The following PIK3R3 variants were observed in gnomAD, a reference collection of about 807,000 sequenced individuals.
The protein encoded by PIK3R3 is phosphatidylinositol 3-kinase regulatory subunit gamma.
In PIK3R3, 64 loss-of-function variants were observed where a neutral mutation model predicts 62.9. The ratio of observed to expected loss-of-function variants is 1.02; its 90% CI spans 0.83 to 1.25. The LOEUF is 1.25. Among genes scored for constraint, PIK3R3 ranks in the 50% most tolerant of loss-of-function variants. PIK3R3 has a pLI of 0.00. For synonymous variants in PIK3R3, 165 were observed against 189.0 expected (o/e 0.87, Z 1.04); for missense variants, 614 against 561.6 (o/e 1.09, Z -0.94).
At chr1:46,098,023 A>T (rs1022606366) in intron 1 of PIK3R3, among the ~76,000 whole-genome samples, 2 of 152,154 alleles carry the variant, frequency 1.3e-5, no homozygotes, top group Admixed American at 6.5e-5. Flanking sequence ...AAAACTACTA[A>T]AGCTAATAAA....
intron 1 of PIK3R3, among the ~76,000 whole-genome samples, chr1:46,081,606 C>T (rs956591481): frequency 2.0e-5 from 3 of 152,144 alleles, no homozygotes; most frequent in Admixed American, 2.0e-4. Context: ...CCTAACCCCA[C>T]CCCAGCAATG....
At chr1:46,158,227 C>G in the PIK3R3 span, among the ~76,000 whole-genome samples, 1,399 of 152,324 alleles carry the variant, frequency 9.2e-3, 18 homozygotes, top group African/African-American at 0.032. Flanking sequence ...CTAAAAGTGT[C>G]CAATGGCTCT....
At chr1:46,102,818 A>T (rs1388565342) in intron 1 of PIK3R3, among the ~76,000 whole-genome samples, 1 of 150,324 alleles carries the variant, frequency 6.7e-6, no homozygotes, top group Non-Finnish European at 1.5e-5. Context: ...AAAAAAAAAA[A>T]AAAAAAAAAA....
At position 46,062,046 on chromosome 1, in the gene PIK3R3, A is replaced by G. The variant is rs1475227900; in HGVS notation, c.647T>C (p.Ile216Thr). The change falls in exon 6 of 10, where the codon ATA becomes ACA. Residue 216 changes from isoleucine (I) to threonine (T), a missense_variant. Coordinates refer to ENST00000262741, the MANE Select transcript of PIK3R3 (RefSeq NM_003629.4). ...TTTAATTGTTTCATTAAAAGCTTCTATTGCAGTCCTCTTCATCTGTATTTC... is the reference window on the plus strand; with the variant it reads ...TTTAATTGTTTCATTAAAAGCTTCTGTTGCAGTCCTCTTCATCTGTATTTC... Reference protein sequence around the residue: ...SQEIQMKRTAIEAFNETIKIF... With the variant: ...SQEIQMKRTATEAFNETIKIF... 1.2e-6 allele frequency: 2 copies of G among 1,611,442 alleles called. No homozygotes were observed. Among genetic ancestry groups the G allele is most frequent in the Non-Finnish European group, 8.5e-7 (1 of 1,178,566 alleles).
intron 1 of PIK3R3, among the ~76,000 whole-genome samples, chr1:46,096,840 T>TA (rs201258613): frequency 0.11 from 13,448 of 126,810 alleles, 774 homozygotes; most frequent in East Asian, 0.19. Context: ...GACTCTGTCT[T>TA]AAAAAAAAAA....
chr1:46,136,518 C>T (rs1655940000), upstream of PIK3R3, among the ~76,000 whole-genome samples: 2 of 152,122 alleles, frequency 1.3e-5, no homozygotes, highest in Admixed American at 1.3e-4. Flanking sequence ...CCTCATCTTT[C>T]TTAGCACTTG....
Position 46,131,884 on chromosome 1 carries a change from C to A in PIK3R3, c.69G>T (p.Ser23=). Residue 23 remains serine (S), a synonymous_variant, in exon 1 of 10, where the codon TCG becomes TCT. Coordinates refer to ENST00000262741, the MANE Select transcript of PIK3R3 (RefSeq NM_003629.4). Reference sequence around the variant, plus strand: ...TTTCAATATAAAATATCAGTTCTGTCGAATAGGGCATCATCACCTCCCTCC... The same window carrying A: ...TTTCAATATAAAATATCAGTTCTGTAGAATAGGGCATCATCACCTCCCTCC... ...ADWREVMMPY[S]TELIFYIEMD... The A allele has an allele frequency of 6.2e-7, 1 of 1,613,152 alleles. No individual in the cohort carries two copies. The highest frequency in any genetic ancestry group is 2.2e-5 in the East Asian group (1 of 44,860).
chr1:46,083,337 T>G (rs1309180476), intron 1 of PIK3R3, among the ~76,000 whole-genome samples: 1 of 152,112 alleles, frequency 6.6e-6, no homozygotes, highest in Non-Finnish European at 1.5e-5. Flanking sequence ...TGACTTTAGA[T>G]TAGGTAATGG....
intron 1 of PIK3R3, among the ~76,000 whole-genome samples, chr1:46,116,176 G>A (rs561732695): frequency 3.3e-5 from 5 of 152,012 alleles, no homozygotes; most frequent in Admixed American, 6.6e-5. Flanking sequence ...TGAATGGGAC[G>A]CTATGGAGAT....
At chr1:46,076,109 T>C (rs185229778) in intron 3 of PIK3R3, among the ~76,000 whole-genome samples, 1 of 152,340 alleles carries the variant, frequency 6.6e-6, no homozygotes, top group East Asian at 1.9e-4. Flanking sequence ...AATGCTAATC[T>C]GCTCTGGAAA....
At chr1:46,088,734 A>G (rs892826906) in intron 1 of PIK3R3, among the ~76,000 whole-genome samples, 2 of 152,162 alleles carry the variant, frequency 1.3e-5, no homozygotes, top group Non-Finnish European at 2.9e-5. Flanking sequence ...AAAAATTTTC[A>G]GAACTGAAGG....
intron 7 of PIK3R3, among the ~76,000 whole-genome samples, chr1:46,049,597 G>C (rs556623590): frequency 1.3e-5 from 2 of 152,228 alleles, no homozygotes; most frequent in Non-Finnish European, 2.9e-5. Flanking sequence ...TTCTAAAATA[G>C]CCAGATGGCA....
At chr1:46,053,858 C>T (rs1647609753) in intron 7 of PIK3R3, among the ~76,000 whole-genome samples, 1 of 152,136 alleles carries the variant, frequency 6.6e-6, no homozygotes, top group African/African-American at 2.4e-5. Flanking sequence ...TGGTGTATAG[C>T]ATAGCCTTTT....
upstream of PIK3R3, chr1:46,134,581 T>C (rs1203780456): frequency 6.6e-6 from 1 of 152,218 alleles, no homozygotes; most frequent in African/African-American, 2.4e-5. Flanking sequence ...TTCCCAGCAG[T>C]CTCTACTTCA....
intron 1 of PIK3R3, among the ~76,000 whole-genome samples, chr1:46,121,592 C>T (rs369173172): frequency 2.0e-5 from 3 of 151,312 alleles, no homozygotes; most frequent in African/African-American, 4.9e-5. Flanking sequence ...CCCAGGAGTT[C>T]GAGACAAGCT....
chr1:46,118,441 C>T (rs1049045482), intron 1 of PIK3R3, among the ~76,000 whole-genome samples: 3 of 151,926 alleles, frequency 2.0e-5, no homozygotes, highest in Non-Finnish European at 2.9e-5. Flanking sequence ...CATCACTGTT[C>T]AATACACTTT....
chr1:46,114,499 C>T (rs527966413), intron 1 of PIK3R3, among the ~76,000 whole-genome samples: 5 of 152,138 alleles, frequency 3.3e-5, no homozygotes, highest in Non-Finnish European at 5.9e-5. Context: ...TTGTGACCAG[C>T]AAAATCAGTA....
At chr1:46,147,441 C>T in the PIK3R3 span, among the ~76,000 whole-genome samples, 5 of 150,536 alleles carry the variant, frequency 3.3e-5, no homozygotes, top group East Asian at 2.0e-4. Context: ...TGTTTTGAGA[C>T]GGAGTCTCGC....
At chr1:46,166,206 T>C in the PIK3R3 span, among the ~76,000 whole-genome samples, 1 of 149,558 alleles carries the variant, frequency 6.7e-6, no homozygotes, top group Non-Finnish European at 1.5e-5. Flanking sequence ...TTATAGGCTT[T>C]TTTCTTTTCT....
Sources: gnomAD v4.1 joint callset for allele counts (sites outside exome capture counted in the v4.1 genomes callset) on GRCh38, gnomAD v4.1.1 for gene constraint, MANE v1.5 for transcripts, NCBI Gene and HGNC (gene_info 2026-07-23, HGNC 2026-07-21) for gene names.